DCC: variants seen among roughly 807,000 people sequenced by gnomAD.
DCC encodes the protein DCC netrin 1 receptor.
DCC carries 58 observed loss-of-function variants against 172.5 expected under a neutral mutation model. That is an observed-to-expected ratio of 0.34 (90% confidence interval 0.27 to 0.42). DCC has a LOEUF of 0.42. Among genes scored for constraint, DCC ranks in the 10% least tolerant of loss-of-function variants. The pLI is 1.00. For missense variants in DCC, 1,740 were observed against 1,791.0 expected, an observed-to-expected ratio of 0.97 and a Z score of 0.51; for synonymous variants, 709 against 644.5, an observed-to-expected ratio of 1.10 and a Z score of -1.52.
intron 15 of DCC, among the ~76,000 whole-genome samples, chr18:53,346,632 C>A (rs1199523081): frequency 6.6e-6 from 1 of 152,092 alleles, no homozygotes; most frequent in Non-Finnish European, 1.5e-5. Flanking sequence ...TTACAATCTC[C>A]ATTTTTTTCT....
rs117646068 is a variant in DCC, at chr18:53,343,921, G to C, written c.2359+4014G>C. On this transcript the variant is annotated intron_variant, in intron 15 of 28. Coordinates refer to ENST00000442544, the MANE Select transcript of DCC (RefSeq NM_005215.4). ...ATCCATCCATTTCATTTTGTCTCTT[G>C]TTGGCACAGTTATTCATAATGTTTT... Among the ~76,000 whole-genome samples, 849 of 151,890 alleles carry C rather than the reference G, an allele frequency of 5.6e-3. 6 individuals are homozygous for C. The highest frequency in any genetic ancestry group is 0.024 in the Admixed American group (373 of 15,246).
intron 1 of DCC, among the ~76,000 whole-genome samples, chr18:52,637,385 A>G (rs1841304): frequency 0.95 from 144,378 of 152,210 alleles, 68,982 homozygotes; most frequent in East Asian, 1. Flanking sequence ...CTAGAGAAAG[A>G]CAAAGCCAAA....
intron 12 of DCC, among the ~76,000 whole-genome samples, chr18:53,233,373 A>T (rs946479321): frequency 1.3e-5 from 2 of 152,228 alleles, no homozygotes; most frequent in Admixed American, 1.3e-4. Flanking sequence ...GTCAAGTAAT[A>T]TGCAGGGATA....
chr18:52,702,676 C>A (rs139285759), intron 1 of DCC, among the ~76,000 whole-genome samples: 2 of 152,034 alleles, frequency 1.3e-5, no homozygotes, highest in African/African-American at 4.8e-5. Context: ...CTTAGGTCTC[C>A]GTCTTACTCC....
chr18:53,215,177 A>G (rs983652630), intron 11 of DCC, among the ~76,000 whole-genome samples: 1 of 152,150 alleles, frequency 6.6e-6, no homozygotes, highest in Non-Finnish European at 1.5e-5. Context: ...GAAATGCGCA[A>G]TATCTTAAGC....
intron 5 of DCC, among the ~76,000 whole-genome samples, chr18:53,047,235 GATATATATATATATATAT>G (rs70944616): frequency 0.13 from 3,782 of 29,292 alleles, 150 homozygotes; most frequent in Admixed American, 0.22. Flanking sequence ...CTGCAGGTAG[GATATATATATATATATAT>G]ATATATATAT....
At chr18:53,209,016 C>A (rs2055704821) in intron 11 of DCC, among the ~76,000 whole-genome samples, 1 of 152,206 alleles carries the variant, frequency 6.6e-6, no homozygotes, top group African/African-American at 2.4e-5. Context: ...CAAGCGTGAG[C>A]CACTGCACCC....
intron 25 of DCC, among the ~76,000 whole-genome samples, chr18:53,473,460 T>C (rs1283644348): frequency 2.6e-5 from 4 of 152,224 alleles, no homozygotes; most frequent in African/African-American, 4.8e-5. Flanking sequence ...AAATAGAATG[T>C]CATCTAACAA....
At chr18:52,998,024 G>C (rs2041509616) in intron 5 of DCC, among the ~76,000 whole-genome samples, 1 of 151,918 alleles carries the variant, frequency 6.6e-6, no homozygotes, top group Admixed American at 6.6e-5. Context: ...CACCATATAG[G>C]CCTGTCTATT....
At chr18:53,059,074 A>G (rs1165868803) in intron 5 of DCC, among the ~76,000 whole-genome samples, 3 of 152,110 alleles carry the variant, frequency 2.0e-5, no homozygotes, top group Admixed American at 1.3e-4. Context: ...CTTTGTTCAC[A>G]TGGTGGCAGC....
intron 1 of DCC, among the ~76,000 whole-genome samples, chr18:52,411,614 C>T (rs1205052597): frequency 1.3e-5 from 2 of 152,104 alleles, no homozygotes; most frequent in African/African-American, 4.8e-5. Context: ...TAGGAACTTT[C>T]CTCCTTTCAT....
chr18:53,106,900 T>C (rs544202604), intron 7 of DCC, among the ~76,000 whole-genome samples: 44 of 152,036 alleles, frequency 2.9e-4, no homozygotes, highest in African/African-American at 1.0e-3. Context: ...TTAATCTTCG[T>C]GTAATTACTG....
chr18:52,340,783 G>A lies in DCC; in HGVS notation c.-5G>A. 2 of 1,613,558 alleles carry A rather than the reference G, an allele frequency of 1.2e-6. No individual in the cohort carries two copies. The highest frequency in any genetic ancestry group is 2.2e-5 in the South Asian group (2 of 91,064). The stretch of plus-strand genomic sequence containing the variant: ...ACCCCTGGCCCCGAAGGTGTTGGCT[G>A]AAATATGGAGAATAGTCTTAGATGT... On this transcript the variant is annotated 5_prime_UTR_variant, in exon 1 of 29. Transcript: ENST00000442544.
At chr18:52,835,656 A>T (rs978392655) in intron 2 of DCC, among the ~76,000 whole-genome samples, 4 of 152,094 alleles carry the variant, frequency 2.6e-5, no homozygotes, top group Non-Finnish European at 5.9e-5. Context: ...ACTTAAAATA[A>T]CTCTCAGTTT....
chr18:52,752,517 T>C, intron 2 of DCC, 143 bp downstream of exon 2: 2 of 711,742 alleles, frequency 2.8e-6, no homozygotes, highest in Non-Finnish European at 4.9e-6. Context: ...ATTATATATT[T>C]TTATGAAGTA....
intron 27 of DCC, among the ~76,000 whole-genome samples, chr18:53,506,852 T>G (rs1393783473): frequency 4.2e-5 from 4 of 96,180 alleles, no homozygotes; most frequent in African/African-American, 1.6e-4. Flanking sequence ...AGCAAGAGAC[T>G]CCATCTCAAA....
chr18:52,580,015 T>G (rs753265444), intron 1 of DCC, among the ~76,000 whole-genome samples: 15 of 152,238 alleles, frequency 9.9e-5, no homozygotes, highest in Admixed American at 6.5e-4. Flanking sequence ...CATATGCTTT[T>G]GCAACTAAAA....
At chr18:52,398,440 C>T (rs1246906017) in intron 1 of DCC, among the ~76,000 whole-genome samples, 1 of 152,030 alleles carries the variant, frequency 6.6e-6, no homozygotes, top group Admixed American at 6.6e-5. Context: ...CTATTACATA[C>T]CATTTTGTGA....
chr18:53,101,072 A>G (rs1046020725), intron 7 of DCC, among the ~76,000 whole-genome samples: 7 of 152,112 alleles, frequency 4.6e-5, no homozygotes, highest in Admixed American at 3.3e-4. Context: ...TGCTTTCCTA[A>G]TAACAGTGTA....
Sources: allele counts gnomAD v4.1 joint callset (sites outside exome capture counted in the v4.1 genomes callset), GRCh38; gene constraint gnomAD v4.1.1; transcripts MANE v1.5; gene names NCBI Gene and HGNC (gene_info 2026-07-23, HGNC 2026-07-21).